Variants in TNIK observed in about 807,000 individuals in gnomAD.
The protein encoded by TNIK is TRAF2 and NCK-interacting protein kinase.
TNIK carries 49 observed loss-of-function variants against 191.3 expected under a neutral mutation model. The observed-to-expected ratio is 0.26, with a 90% CI of 0.20 to 0.32. The LOEUF (loss-of-function observed/expected upper bound fraction) is 0.32, where lower values mean the gene tolerates loss of function less well. TNIK is among the 10% of genes least tolerant of loss of function. The probability of loss-of-function intolerance (pLI) is 1.00; values close to 1 mark genes in which losing one functional copy is unlikely to be tolerated. For missense variants in TNIK, 1,155 were observed against 1,702.3 expected, an observed-to-expected ratio of 0.68 and a Z score of 5.66; for synonymous variants, 594 against 600.9, an observed-to-expected ratio of 0.99 and a Z score of 0.17.
chr3:171,157,514 G>T lies in TNIK; in HGVS notation c.1167C>A (p.Ala389=). 6.4e-7 allele frequency: 1 copy of T among 1,574,624 alleles called. No individual in the cohort carries two copies. Among genetic ancestry groups the T allele is most frequent in the Non-Finnish European group, 8.6e-7 (1 of 1,160,496 alleles). The change falls in exon 12 of 33, where the codon GCC becomes GCA. Residue 389 remains alanine (A), a synonymous_variant. Transcript: ENST00000436636. Reference sequence around the variant, plus strand: ...GCTCCTCGATGCGCTTCTGACGCTCGGCCAGCAGCTGCCGCTTGTGCTCCT... The same window carrying T: ...GCTCCTCGATGCGCTTCTGACGCTCTGCCAGCAGCTGCCGCTTGTGCTCCT... ...ENEEHKRQLL[A]ERQKRIEEQK... is the part of the protein sequence containing the mutation.
chr3:171,123,136 C>T (rs1727983261), intron 18 of TNIK, among the ~76,000 whole-genome samples: 1 of 152,182 alleles, frequency 6.6e-6, no homozygotes, highest in South Asian at 2.1e-4. Context: ...TGAAGATGGT[C>T]ACTATTTCCA....
chr3:171,317,764 T>C (rs1754794924), intron 2 of TNIK, among the ~76,000 whole-genome samples: 2 of 152,158 alleles, frequency 1.3e-5, no homozygotes, highest in Non-Finnish European at 2.9e-5. Flanking sequence ...AGGATTGTGT[T>C]TTTCTGTTCA....
At chr3:171,446,301 C>G (rs1313785297) in intron 1 of TNIK, among the ~76,000 whole-genome samples, 2 of 152,064 alleles carry the variant, frequency 1.3e-5, no homozygotes, top group Admixed American at 1.3e-4. Context: ...TGTTTAAATA[C>G]AGTTTGCAAT....
intron 32 of TNIK, 30 bp from the exon 33 acceptor site, chr3:171,063,994 A>G (rs1458043045): frequency 3.1e-6 from 5 of 1,601,960 alleles, no homozygotes; most frequent in Admixed American, 1.7e-5. Context: ...AGTTAGTTCA[A>G]CTGCATGGTC....
At chr3:171,153,341 C>G (rs907698488) in intron 12 of TNIK, among the ~76,000 whole-genome samples, 25 of 151,870 alleles carry the variant, frequency 1.6e-4, no homozygotes, top group Admixed American at 6.5e-5. Flanking sequence ...TACCACAAAC[C>G]AATAATTCCT....
chr3:171,183,813 C>T (rs950101091), intron 7 of TNIK, among the ~76,000 whole-genome samples: 3 of 150,306 alleles, frequency 2.0e-5, no homozygotes, highest in Non-Finnish European at 3.0e-5. Context: ...CCCAGCTACT[C>T]AGGAGGCTGA....
chr3:171,295,009 G>GAGAGAA (rs1752111410), intron 2 of TNIK, among the ~76,000 whole-genome samples: 1 of 150,316 alleles, frequency 6.7e-6, no homozygotes, highest in Non-Finnish European at 1.5e-5. Flanking sequence ...CCAGGGAAGA[G>GAGAGAA]AGAGAGAGAG....
At chr3:171,360,864 T>C (rs1482657355) in intron 2 of TNIK, among the ~76,000 whole-genome samples, 1 of 152,244 alleles carries the variant, frequency 6.6e-6, no homozygotes, top group Non-Finnish European at 1.5e-5. Flanking sequence ...CTGTGGTGCA[T>C]GGAATACAAC....
At chr3:171,318,845 G>T (rs922451877) in intron 2 of TNIK, among the ~76,000 whole-genome samples, 7 of 152,058 alleles carry the variant, frequency 4.6e-5, no homozygotes, top group Non-Finnish European at 7.4e-5. Flanking sequence ...GAGTGCAAAA[G>T]AAAATTTATC....
At chr3:171,307,557 T>C (rs1753587112) in intron 2 of TNIK, among the ~76,000 whole-genome samples, 1 of 152,210 alleles carries the variant, frequency 6.6e-6, no homozygotes, top group South Asian at 2.1e-4. Context: ...GTTTTCTTAC[T>C]TTTTTACCAC....
At chr3:171,253,073 G>A (rs137930041) in intron 2 of TNIK, among the ~76,000 whole-genome samples, 3,397 of 151,446 alleles carry the variant, frequency 0.022, 117 homozygotes, top group African/African-American at 0.077. Context: ...TCAGGAGTTC[G>A]AGACCATCCT....
rs190925773 is a variant in TNIK, at chr3:171,310,481, T to C, written c.123+59139A>G. Among the ~76,000 whole-genome samples the C allele has an allele frequency of 9.9e-5, 15 of 152,220 alleles. No homozygotes were observed. The East Asian group carries it at 2.3e-3, about 24-fold the overall frequency. On this transcript the variant is annotated intron_variant, in intron 2 of 32. Transcript: ENST00000436636. The stretch of plus-strand genomic sequence containing the variant: ...CAATTAATGAATGTAGGGCTATAGA[T>C]TTAGAAATTAAAATTTAAGAGAGAT...
chr3:171,089,814 C>G (rs975937095), intron 23 of TNIK, among the ~76,000 whole-genome samples: 1 of 152,144 alleles, frequency 6.6e-6, no homozygotes, highest in Non-Finnish European at 1.5e-5. Flanking sequence ...TTCTGTGTAC[C>G]ACCACATGCC....
At chr3:171,197,192 T>C (rs1384880398) in intron 4 of TNIK, among the ~76,000 whole-genome samples, 1 of 139,612 alleles carries the variant, frequency 7.2e-6, no homozygotes, top group Non-Finnish European at 1.6e-5. Flanking sequence ...CAACTGGATA[T>C]TCACATGCAA....
intron 21 of TNIK, among the ~76,000 whole-genome samples, chr3:171,104,743 T>C (rs1724430288): frequency 6.6e-6 from 1 of 152,180 alleles, no homozygotes; most frequent in African/African-American, 2.4e-5. Context: ...ATTTTCTTTT[T>C]AGGAACTCTA....
intron 10 of TNIK, 125 bp downstream of exon 10, chr3:171,166,970 G>C: frequency 1.6e-6 from 2 of 1,228,152 alleles, no homozygotes; most frequent in Non-Finnish European, 2.2e-6. Flanking sequence ...CTCAGAGACA[G>C]CCCCTCGCAC....
intron 1 of TNIK, among the ~76,000 whole-genome samples, chr3:171,407,642 A>AT (rs1354800244): frequency 6.6e-6 from 1 of 152,236 alleles, no homozygotes; most frequent in Non-Finnish European, 1.5e-5. Context: ...AGCAGAAATT[A>AT]TATCTCCATT....
At chr3:171,132,339 GAGA>G (rs943620250) in intron 15 of TNIK, among the ~76,000 whole-genome samples, 1 of 152,020 alleles carries the variant, frequency 6.6e-6, no homozygotes, top group African/African-American at 2.4e-5. Context: ...AATAACTTTG[GAGA>G]AGTTTGGATC....
intron 28 of TNIK, among the ~76,000 whole-genome samples, chr3:171,071,623 T>C (rs1009279400): frequency 1.3e-5 from 2 of 152,190 alleles, no homozygotes; most frequent in Non-Finnish European, 2.9e-5. Flanking sequence ...ATATTCATTG[T>C]AATAAGAATG....
Sources: allele counts gnomAD v4.1 joint callset (sites outside exome capture counted in the v4.1 genomes callset), GRCh38; gene constraint gnomAD v4.1.1; transcripts MANE v1.5; gene names NCBI Gene and HGNC (gene_info 2026-07-23, HGNC 2026-07-21).